Variants in PTPRD observed in about 807,000 individuals in gnomAD.
PTPRD encodes the protein protein tyrosine phosphatase receptor type D.
PTPRD carries 34 observed loss-of-function variants against 214.5 expected under a neutral mutation model. The observed-to-expected ratio is 0.16, with a 90% confidence interval of 0.12 to 0.21. The LOEUF (loss-of-function observed/expected upper bound fraction) is 0.21. Among genes scored for constraint, PTPRD ranks in the 10% least tolerant of loss-of-function variants. PTPRD has a pLI of 1.00. For missense variants in PTPRD, 2,545 were observed against 2,398.7 expected (o/e 1.06, Z -1.27); for synonymous variants, 1,128 against 845.7 (o/e 1.33, Z -5.79).
chr9:8,887,137 ACATATAAGG>A (rs1240013837), intron 11 of PTPRD, among the ~76,000 whole-genome samples: 1 of 152,178 alleles, frequency 6.6e-6, no homozygotes, highest in East Asian at 1.9e-4. Flanking sequence ...ATCATCTAGT[ACATATAAGG>A]CAAAAGTGGC....
At chr9:10,053,891 G>C (rs182873396) in intron 3 of PTPRD, among the ~76,000 whole-genome samples, 1 of 151,828 alleles carries the variant, frequency 6.6e-6, no homozygotes, top group Non-Finnish European at 1.5e-5. Context: ...ACTGAGTAGC[G>C]GGGATTACAG....
chr9:8,680,361 T>C (rs1415173321), intron 12 of PTPRD, among the ~76,000 whole-genome samples: 2 of 152,108 alleles, frequency 1.3e-5, no homozygotes, highest in East Asian at 1.9e-4. Context: ...TTACATCTCT[T>C]CCAAGAATAA....
intron 10 of PTPRD, among the ~76,000 whole-genome samples, chr9:9,049,411 T>G (rs561846648): frequency 6.6e-6 from 1 of 152,184 alleles, no homozygotes; most frequent in Non-Finnish European, 1.5e-5. Context: ...ACCTCTTTAT[T>G]TGAAGACAGG....
chr9:9,321,588 G>A (rs1295161784), intron 9 of PTPRD, among the ~76,000 whole-genome samples: 3 of 147,510 alleles, frequency 2.0e-5, no homozygotes, highest in Admixed American at 6.8e-5. Context: ...TTGTTAAAAT[G>A]CCATGTATGC....
chr9:10,396,987 T>C (rs1487603248), intron 2 of PTPRD, among the ~76,000 whole-genome samples: 1 of 151,986 alleles, frequency 6.6e-6, no homozygotes, highest in Non-Finnish European at 1.5e-5. Context: ...CATACCTAGC[T>C]ACACGTCTGG....
intron 14 of PTPRD, among the ~76,000 whole-genome samples, chr9:8,540,765 T>C (rs1204593475): frequency 6.6e-6 from 1 of 152,158 alleles, no homozygotes; most frequent in Non-Finnish European, 1.5e-5. Context: ...CAGAAAATGG[T>C]TGTTACCCTC....
chr9:9,406,399 G>C (rs1027643638), intron 8 of PTPRD, among the ~76,000 whole-genome samples: 1 of 151,814 alleles, frequency 6.6e-6, no homozygotes, highest in Admixed American at 6.6e-5. Flanking sequence ...AAGAAAGTAA[G>C]AGATAGAAGA....
chr9:9,077,555 G>C (rs324474), intron 10 of PTPRD, among the ~76,000 whole-genome samples: 109,840 of 151,894 alleles, frequency 0.72, 39,958 homozygotes, highest in Non-Finnish European at 0.76. Context: ...TATGTTTATA[G>C]AGATCCACAA....
chr9:10,343,978 GTTTTTTTTTTTTTTTTT>G (rs139613939), intron 2 of PTPRD, among the ~76,000 whole-genome samples: 1 of 31,670 alleles, frequency 3.2e-5, no homozygotes, highest in Non-Finnish European at 5.9e-5. Context: ...TCTGATGGTA[GTTTTTTTTTTTTTTTTT>G]TTTTTTTTTT....
At chr9:9,152,960 A>T (rs2099878153) in intron 10 of PTPRD, among the ~76,000 whole-genome samples, 2 of 152,122 alleles carry the variant, frequency 1.3e-5, no homozygotes, top group Admixed American at 1.3e-4. Context: ...CATCCTCCCC[A>T]CTGTGTGTTG....
chr9:9,958,164 G>C (rs1247133790), intron 4 of PTPRD, among the ~76,000 whole-genome samples: 2 of 152,132 alleles, frequency 1.3e-5, no homozygotes, highest in Middle Eastern at 3.2e-3. Context: ...TGTTGAGTTT[G>C]GCAAGAAGTT....
chr9:9,809,928 A>C (rs1312243654), intron 5 of PTPRD, among the ~76,000 whole-genome samples: 1 of 152,190 alleles, frequency 6.6e-6, no homozygotes, highest in Non-Finnish European at 1.5e-5. Flanking sequence ...ATGTAAATTC[A>C]ATAACAGAGT....
chr9:8,744,273 T>C (rs1391223563), intron 11 of PTPRD, among the ~76,000 whole-genome samples: 5 of 152,204 alleles, frequency 3.3e-5, no homozygotes, highest in Non-Finnish European at 5.9e-5. Context: ...AGATCTATCA[T>C]TTGATCCAGC....
At chr9:8,340,628 C>T (rs941117221) in intron 41 of PTPRD, among the ~76,000 whole-genome samples, 159 bp from the exon 42 acceptor site, 1 of 152,036 alleles carries the variant, frequency 6.6e-6, no homozygotes, top group African/African-American at 2.4e-5. Context: ...CAAATAAGAG[C>T]ATTTAATACA....
Position 9,031,220 on chromosome 9 carries a change from T to C in PTPRD, c.-142-12485A>G, listed in dbSNP as rs536994193. 2.9e-3 allele frequency among the ~76,000 whole-genome samples: 441 copies of C among 152,112 alleles called. 2 individuals are homozygous for C. Among genetic ancestry groups the C allele is most frequent in the Non-Finnish European group, 4.7e-3 (321 of 67,964 alleles). ...TAAATACTTACTAGTATTATATTAC[T>C]AATGCCTGAAAGGTCCTTGGCACCT... On this transcript the variant is annotated intron_variant, in intron 10 of 45. Coordinates refer to ENST00000381196, the MANE Select transcript of PTPRD (RefSeq NM_002839.4).
chr9:9,174,169 A>T (rs1274899936), intron 10 of PTPRD, among the ~76,000 whole-genome samples: 1 of 152,278 alleles, frequency 6.6e-6, no homozygotes, highest in East Asian at 1.9e-4. Flanking sequence ...AGGAAAAAAA[A>T]TCGTTATATA....
intron 3 of PTPRD, among the ~76,000 whole-genome samples, chr9:10,300,426 T>A (rs560066576): frequency 6.6e-6 from 1 of 152,120 alleles, no homozygotes; most frequent in Non-Finnish European, 1.5e-5. Flanking sequence ...TTCCCTCCCC[T>A]GGAAAGGGGG....
chr9:8,319,373 G>A (rs547491889), intron 45 of PTPRD, among the ~76,000 whole-genome samples: 2 of 152,060 alleles, frequency 1.3e-5, no homozygotes, highest in East Asian at 1.9e-4. Flanking sequence ...GGCTTATCCA[G>A]AATCAAAATG....
intron 12 of PTPRD, among the ~76,000 whole-genome samples, chr9:8,658,713 CTTT>C (rs917204560): frequency 6.6e-6 from 1 of 150,464 alleles, no homozygotes; most frequent in Non-Finnish European, 1.5e-5. Flanking sequence ...AGAAATTCTC[CTTT>C]TTTTGTCCTT....
Sources: gnomAD v4.1 joint callset for allele counts (sites outside exome capture counted in the v4.1 genomes callset) on GRCh38, gnomAD v4.1.1 for gene constraint, MANE v1.5 for transcripts, NCBI Gene and HGNC (gene_info 2026-07-23, HGNC 2026-07-21) for gene names.